The following HS6ST2 variants were observed in gnomAD, a reference collection of about 807,000 sequenced individuals.
HS6ST2 encodes heparan sulfate 6-O-sulfotransferase 2.
In HS6ST2, 17 loss-of-function variants were observed where a neutral mutation model predicts 33.0. That is an observed-to-expected ratio of 0.52 (90% confidence interval 0.35 to 0.77). The LOEUF is 0.77. Ranked by LOEUF, HS6ST2 falls within the 30% of genes least tolerant of loss-of-function variation. The pLI, the probability that HS6ST2 is intolerant of heterozygous loss-of-function variation, is 0.01. For synonymous variants in HS6ST2, 248 were observed against 237.1 expected (o/e 1.05, Z -0.42); for missense variants, 519 against 551.7 (o/e 0.94, Z 0.59).
At chrX:132,762,694 C>CA (rs1352336377) in intron 2 of HS6ST2, among the ~76,000 whole-genome samples, 1 of 111,431 alleles carries the variant, frequency 9.0e-6, no homozygotes, top group Non-Finnish European at 1.9e-5. Flanking sequence ...ATATTGGCAT[C>CA]ATGTCAGCTG....
chrX:132,839,310 ATATATACACACACATGTATG>A (rs1217537948), intron 2 of HS6ST2, among the ~76,000 whole-genome samples: 3 of 26,480 alleles, frequency 1.1e-4, no homozygotes, highest in African/African-American at 2.9e-4. Context: ...ATATATATAT[ATATATACACACACATGTATG>A]TATATACACA....
At chrX:132,826,631 T>TTA (rs1227329348) in intron 2 of HS6ST2, among the ~76,000 whole-genome samples, 53 of 108,817 alleles carry the variant, frequency 4.9e-4, no homozygotes, top group African/African-American at 1.7e-3. Context: ...ATGGCTCACA[T>TTA]TATATATATA....
chrX:132,699,287 T>G (rs2064125109), intron 3 of HS6ST2, among the ~76,000 whole-genome samples: 1 of 112,116 alleles, frequency 8.9e-6, no homozygotes, highest in Non-Finnish European at 1.9e-5. Flanking sequence ...CAGGTACTCA[T>G]GTTAAATTAC....
At chrX:132,924,249 T>C (rs2066686578) in intron 2 of HS6ST2, among the ~76,000 whole-genome samples, 1 of 111,723 alleles carries the variant, frequency 9.0e-6, no homozygotes, top group Admixed American at 9.5e-5. Flanking sequence ...TCTGATAATA[T>C]AAATGTCTTG....
chrX:132,805,142 A>C, intron 2 of HS6ST2, among the ~76,000 whole-genome samples: 1 of 111,487 alleles, frequency 9.0e-6, no homozygotes, highest in Non-Finnish European at 1.9e-5. Context: ...TGAGGGTGTG[A>C]GTCAAGACTG....
intron 2 of HS6ST2, among the ~76,000 whole-genome samples, chrX:132,914,699 G>C (rs1320698959): frequency 9.0e-6 from 1 of 111,656 alleles, no homozygotes; most frequent in Admixed American, 9.5e-5. Flanking sequence ...GGGGCACAAG[G>C]CCAGAATTCA....
chrX:132,773,405 A>G (rs926423448), intron 2 of HS6ST2, among the ~76,000 whole-genome samples: 4 of 109,308 alleles, frequency 3.7e-5, no homozygotes, highest in Non-Finnish European at 7.6e-5. Context: ...CCATTTTGCA[A>G]TACAGTCTGA....
At chrX:132,892,193 T>C (rs2066322158) in intron 2 of HS6ST2, among the ~76,000 whole-genome samples, 2 of 112,425 alleles carry the variant, frequency 1.8e-5, no homozygotes, top group Admixed American at 1.9e-4. Context: ...TCTTTCAAAA[T>C]GTTCAAAAAT....
Position 132,911,207 on chromosome X carries a change from G to T in HS6ST2, c.947+45601C>A, listed in dbSNP as rs552766192. On this transcript the variant is annotated intron_variant, in intron 2 of 4. Transcript: ENST00000370833. The stretch of plus-strand genomic sequence containing the variant: ...TTATCAGTATTTTACCAGTAGCCTG[G>T]TCTCATGGGCACATAAAAGACCATT... Among the ~76,000 whole-genome samples, 57 of 109,639 alleles carry T rather than the reference G, an allele frequency of 5.2e-4. 1 individual carries two copies. In the South Asian group the frequency reaches 0.02, roughly 39 times the overall value.
intron 2 of HS6ST2, among the ~76,000 whole-genome samples, chrX:132,891,784 A>G (rs1457515254): frequency 8.9e-6 from 1 of 111,799 alleles, no homozygotes; most frequent in Non-Finnish European, 1.9e-5. Flanking sequence ...CCAGTCTATC[A>G]TTGTTGGACA....
rs938250952 is a variant in HS6ST2, at chrX:132,753,465, C to T, written c.948-44971G>A. ...GGGGCCGTTCCCCCCATACTGTTCTCGTGGTAGTGAATAAGTCTCATGAGA... is the reference window on the plus strand; with the variant it reads ...GGGGCCGTTCCCCCCATACTGTTCTTGTGGTAGTGAATAAGTCTCATGAGA... On this transcript the variant is annotated intron_variant, in intron 2 of 4. Transcript: ENST00000370833. Among the ~76,000 whole-genome samples, 5 of 111,008 alleles carry T rather than the reference C, an allele frequency of 4.5e-5. No homozygotes were observed. The Middle Eastern group carries it at 0.019, about 411-fold the overall frequency.
chrX:132,637,900 A>AAATTATATATAATATTTTATATATT (rs2063571839), intron 4 of HS6ST2, among the ~76,000 whole-genome samples: 1 of 45,660 alleles, frequency 2.2e-5, no homozygotes, highest in African/African-American at 2.3e-4. Flanking sequence ...TTTTATATAT[A>AAATTATATATAATATTTTATATATT]ATATTATATA....
At chrX:132,733,924 C>T (rs2064482228) in intron 2 of HS6ST2, among the ~76,000 whole-genome samples, 1 of 107,097 alleles carries the variant, frequency 9.3e-6, no homozygotes, top group South Asian at 4.4e-4. Context: ...TGAGTGGAGA[C>T]TTGAACTTAG....
intron 2 of HS6ST2, among the ~76,000 whole-genome samples, chrX:132,799,159 T>C (rs774341800): frequency 9.0e-6 from 1 of 110,784 alleles, no homozygotes; most frequent in Non-Finnish European, 1.9e-5. Flanking sequence ...GAGAAACTGA[T>C]GGTTAAACTT....
Position 132,958,250 on chromosome X carries a change from C to G in HS6ST2, c.353G>C (p.Gly118Ala). ...GSLCRALLTR[G>A]LAALGHSLKH... ...CAGCGAGTGGCCCAGGGCGGCCAGG[C>G]CCCGAGTGAGCAGGGCCCGGCAGAG... The change falls in exon 1 of 5, where the codon GGC (glycine) becomes GCC (alanine). Residue 118 changes from glycine (G) to alanine (A), a missense_variant. By Grantham distance (60) the Gly-to-Ala change is moderately conservative. Transcript: ENST00000370833. The G allele has an allele frequency of 8.4e-7, 1 of 1,187,052 alleles. No individual in the cohort carries two copies. Among genetic ancestry groups the G allele is most frequent in the Non-Finnish European group, 1.1e-6 (1 of 888,663 alleles).
At chrX:132,956,651 G>T (rs1268033942) in intron 2 of HS6ST2, among the ~76,000 whole-genome samples, 157 bp downstream of exon 2, 1 of 112,950 alleles carries the variant, frequency 8.9e-6, no homozygotes, top group African/African-American at 3.2e-5. Context: ...CCACAGCGCG[G>T]CGAACGTGCG....
At position 132,913,367 on chromosome X, in the gene HS6ST2, G is replaced by A. The variant is rs762933125; in HGVS notation, c.947+43441C>T. On this transcript the variant is annotated intron_variant, in intron 2 of 4. Transcript: ENST00000370833. ...CTGAAAGAGCTGTTAACACACCCCT[G>A]TTTGCTCAGGCTGTGGATGGTGGGA... 1.2e-4 allele frequency among the ~76,000 whole-genome samples: 14 copies of A among 112,445 alleles called. No individual in the cohort carries two copies. The East Asian group carries it at 3.4e-3, about 27-fold the overall frequency.
At chrX:132,874,953 G>C (rs1036790837) in intron 2 of HS6ST2, among the ~76,000 whole-genome samples, 2 of 111,705 alleles carry the variant, frequency 1.8e-5, no homozygotes, top group African/African-American at 3.3e-5. Flanking sequence ...AGAGAGTCAG[G>C]GATGTTCTCT....
chrX:132,688,872 C>G (rs1377105192), intron 3 of HS6ST2, among the ~76,000 whole-genome samples: 1 of 112,337 alleles, frequency 8.9e-6, no homozygotes, highest in Non-Finnish European at 1.9e-5. Context: ...TAGATCTAAG[C>G]TCTAGCTAAT....
Sources: gnomAD v4.1 joint callset for allele counts (sites outside exome capture counted in the v4.1 genomes callset) on GRCh38, gnomAD v4.1.1 for gene constraint, MANE v1.5 for transcripts, NCBI Gene and HGNC (gene_info 2026-07-23, HGNC 2026-07-21) for gene names.